Variants in HYAL4 observed in about 807,000 individuals in gnomAD.
The protein encoded by HYAL4 is hyaluronidase 4, also known as hyaluronidase-4.
In HYAL4, 37 loss-of-function variants were observed where a neutral mutation model predicts 35.2. The observed-to-expected ratio is 1.05, with a 90% CI of 0.81 to 1.38. The LOEUF (loss-of-function observed/expected upper bound fraction) is 1.38, where lower values mean the gene tolerates loss of function less well. HYAL4 is among the 40% of genes most tolerant of loss of function. The probability of loss-of-function intolerance (pLI) is 0.00; values close to 1 mark genes in which losing one functional copy is unlikely to be tolerated. For synonymous variants in HYAL4, 198 were observed against 203.2 expected, an observed-to-expected ratio of 0.97 and a Z score of 0.22; for missense variants, 572 against 572.4, an observed-to-expected ratio of 1.00 and a Z score of 0.01.
chr7:123,797,262 C>A, the HYAL4 span, among the ~76,000 whole-genome samples: 1 of 152,324 alleles, frequency 6.6e-6, no homozygotes, highest in East Asian at 1.9e-4. Context: ...GTACCCTTCT[C>A]TTTTTATAGA....
chr7:123,790,732 GCCAACC>G, the HYAL4 span: 5 of 151,638 alleles, frequency 3.3e-5, no homozygotes, highest in Non-Finnish European at 7.4e-5. Context: ...CCTTTTTATG[GCCAACC>G]ATATTATGTA....
At chr7:123,819,413 G>C in the HYAL4 span, 2 of 152,542 alleles carry the variant, frequency 1.3e-5, no homozygotes, top group Non-Finnish European at 2.9e-5. Flanking sequence ...GGGAGGATAT[G>C]AATATTCTGC....
Position 123,859,175 on chromosome 7 carries a change from G to A in HYAL4, c.-51-9048G>A, listed in dbSNP as rs144983144. ...AGCTTCCTGAGTTATTTAAAATTAG[G>A]CTGAATAAATCACCAAAACTAATAT... On this transcript the variant is annotated intron_variant, in intron 2 of 4. Transcript: ENST00000223026. Among the ~76,000 whole-genome samples, 20 of 152,166 alleles carry A rather than the reference G, an allele frequency of 1.3e-4. 1 individual carries two copies. The East Asian group carries it at 3.7e-3, about 28-fold the overall frequency.
At chr7:123,833,684 A>G (rs975507197) in intron 1 of HYAL4, among the ~76,000 whole-genome samples, 35 of 152,190 alleles carry the variant, frequency 2.3e-4, no homozygotes, top group African/African-American at 7.9e-4. Context: ...GATTTTTCCA[A>G]TGTTATCTTC....
chr7:123,840,480 G>A (rs1053301899), upstream of HYAL4, among the ~76,000 whole-genome samples: 36 of 151,494 alleles, frequency 2.4e-4, 2 homozygotes, highest in Admixed American at 7.2e-4. Context: ...GCTCTTTTTT[G>A]GTTCCATATG....
chr7:123,829,825 C>T (rs1052617258), intron 1 of HYAL4, among the ~76,000 whole-genome samples: 6 of 152,022 alleles, frequency 3.9e-5, no homozygotes, highest in African/African-American at 9.7e-5. Context: ...AGTGAGACCC[C>T]GTCTCAAAAA....
At chr7:123,866,400 C>T (rs187171152) in intron 2 of HYAL4, among the ~76,000 whole-genome samples, 50 of 152,228 alleles carry the variant, frequency 3.3e-4, no homozygotes, top group Non-Finnish European at 5.6e-4. Flanking sequence ...ATTGGACTGA[C>T]GACAGTCATA....
At chr7:123,863,265 G>T (rs2116948256) in intron 2 of HYAL4, among the ~76,000 whole-genome samples, 1 of 152,322 alleles carries the variant, frequency 6.6e-6, no homozygotes, top group African/African-American at 2.4e-5. Flanking sequence ...TTAGAAGGGA[G>T]CCTGGTACAT....
At chr7:123,804,412 A>C in the HYAL4 span, among the ~76,000 whole-genome samples, 2 of 152,200 alleles carry the variant, frequency 1.3e-5, no homozygotes, top group East Asian at 3.9e-4. Context: ...ATTCTCATTT[A>C]ATCAGCACTT....
the HYAL4 span, among the ~76,000 whole-genome samples, chr7:123,788,541 A>G: frequency 2.0e-5 from 3 of 152,192 alleles, no homozygotes; most frequent in East Asian, 3.9e-4. Context: ...TTAACCCCTG[A>G]GAAGTCATTC....
chr7:123,841,362 T>C (rs184184785), upstream of HYAL4, among the ~76,000 whole-genome samples: 166 of 152,146 alleles, frequency 1.1e-3, no homozygotes, highest in African/African-American at 3.7e-3. Context: ...TGGATAAGCT[T>C]TTTGATGTGC....
At chr7:123,840,199 A>G (rs561777998), upstream of HYAL4, among the ~76,000 whole-genome samples, 6 of 152,174 alleles carry the variant, frequency 3.9e-5, no homozygotes, top group Admixed American at 3.9e-4. Context: ...TCAGCTTTCT[A>G]CATATGGCTA....
chr7:123,765,352 G>A, the HYAL4 span, among the ~76,000 whole-genome samples: 1 of 152,110 alleles, frequency 6.6e-6, no homozygotes, highest in Non-Finnish European at 1.5e-5. Flanking sequence ...GAGAAAAATA[G>A]CATACAATTA....
At chr7:123,796,940 G>A in the HYAL4 span, among the ~76,000 whole-genome samples, 1 of 152,170 alleles carries the variant, frequency 6.6e-6, no homozygotes, top group Admixed American at 6.5e-5. Context: ...TGTAAGTAGG[G>A]AGGTGATAGC....
chr7:123,804,894 T>A, the HYAL4 span, among the ~76,000 whole-genome samples: 1 of 152,230 alleles, frequency 6.6e-6, no homozygotes, highest in Non-Finnish European at 1.5e-5. Flanking sequence ...TAAAATTTTT[T>A]ATCTTAAGCA....
At chr7:123,807,914 A>AATAATT in the HYAL4 span, among the ~76,000 whole-genome samples, 6 of 136,572 alleles carry the variant, frequency 4.4e-5, no homozygotes, top group African/African-American at 1.1e-4. Context: ...TTAGCTGGAT[A>AATAATT]ATTATTATTA....
upstream of HYAL4, among the ~76,000 whole-genome samples, chr7:123,842,068 A>G (rs1288889908): frequency 1.3e-5 from 2 of 151,754 alleles, no homozygotes; most frequent in Middle Eastern, 3.2e-3. Context: ...TTGCTTCTCT[A>G]GTTCTTTTAA....
At chr7:123,872,184 A>G (rs566759604) in intron 3 of HYAL4, among the ~76,000 whole-genome samples, 31 of 152,102 alleles carry the variant, frequency 2.0e-4, no homozygotes, top group African/African-American at 4.1e-4. Context: ...GGAGTCTCCA[A>G]TGTCTATTAT....
chr7:123,804,399 A>T, the HYAL4 span, among the ~76,000 whole-genome samples: 4 of 152,208 alleles, frequency 2.6e-5, no homozygotes, highest in African/African-American at 9.6e-5. Context: ...AGGGAGGGAA[A>T]AGATTCTCAT....
Sources: gnomAD v4.1 joint callset for allele counts (sites outside exome capture counted in the v4.1 genomes callset) on GRCh38, gnomAD v4.1.1 for gene constraint, MANE v1.5 for transcripts, NCBI Gene and HGNC (gene_info 2026-07-23, HGNC 2026-07-21) for gene names.